The following ANKS1B variants were observed in gnomAD, a reference collection of about 807,000 sequenced individuals.
ANKS1B encodes the protein ankyrin repeat and sterile alpha motif domain containing 1B, also known as ankyrin repeat and sterile alpha motif domain-containing protein 1B.
ANKS1B carries 36 observed loss-of-function variants against 148.3 expected under a neutral mutation model. The ratio of observed to expected loss-of-function variants is 0.24; its 90% CI spans 0.19 to 0.32. ANKS1B has a LOEUF of 0.32. Among genes scored for constraint, ANKS1B ranks in the 10% least tolerant of loss-of-function variants. ANKS1B has a pLI of 1.00. For missense variants in ANKS1B, 1,157 were observed against 1,542.6 expected, an observed-to-expected ratio of 0.75 and a Z score of 4.19; for synonymous variants, 542 against 560.8, an observed-to-expected ratio of 0.97 and a Z score of 0.47.
intron 17 of ANKS1B, among the ~76,000 whole-genome samples, chr12:99,048,129 T>C (rs1568553645): frequency 6.6e-6 from 1 of 152,222 alleles, no homozygotes; most frequent in African/African-American, 2.4e-5. Flanking sequence ...ATCCAGGCCA[T>C]ATGTTCAGGC....
intron 12 of ANKS1B, among the ~76,000 whole-genome samples, chr12:99,261,434 C>T (rs2075914104): frequency 6.6e-6 from 1 of 152,136 alleles, no homozygotes; most frequent in Admixed American, 6.6e-5. Flanking sequence ...GGACCTCTTT[C>T]CTGTTTACAT....
rs549663534 is a variant in ANKS1B, at chr12:98,815,857, T to C, written c.3067-7939A>G. On this transcript the variant is annotated intron_variant, in intron 19 of 26. Coordinates refer to ENST00000683438, the MANE Select transcript of ANKS1B (RefSeq NM_001352186.2). Reference sequence around the variant, plus strand: ...ATTGGCTTCTTACGGGTCTCACTGCTGTTATCCTTGCCTCCTTAGTATCTC... The same window carrying C: ...ATTGGCTTCTTACGGGTCTCACTGCCGTTATCCTTGCCTCCTTAGTATCTC... 3.9e-5 allele frequency among the ~76,000 whole-genome samples: 6 copies of C among 152,322 alleles called. No individual in the cohort carries two copies. In the South Asian group the frequency reaches 1.2e-3, roughly 32 times the overall value.
At chr12:99,471,624 T>C (rs1293894431) in intron 10 of ANKS1B, among the ~76,000 whole-genome samples, 2 of 151,186 alleles carry the variant, frequency 1.3e-5, no homozygotes, top group East Asian at 3.9e-4. Flanking sequence ...TGAGTAGACA[T>C]AAAACAACAT....
At chr12:99,785,901 T>C (rs2064965490) in intron 4 of ANKS1B, among the ~76,000 whole-genome samples, 1 of 152,100 alleles carries the variant, frequency 6.6e-6, no homozygotes, top group Non-Finnish European at 1.5e-5. Flanking sequence ...GATATGTAGA[T>C]ACTGAAAAAA....
At chr12:99,631,184 G>A (rs573257438) in intron 9 of ANKS1B, among the ~76,000 whole-genome samples, 1 of 152,256 alleles carries the variant, frequency 6.6e-6, no homozygotes, top group South Asian at 2.1e-4. Flanking sequence ...TATTAGCAGT[G>A]AGGGAACAAA....
intron 15 of ANKS1B, among the ~76,000 whole-genome samples, chr12:99,101,064 T>C (rs2057814537): frequency 6.6e-6 from 1 of 151,856 alleles, no homozygotes; most frequent in Non-Finnish European, 1.5e-5. Flanking sequence ...AAAGAAACGG[T>C]ATAGTGAGAG....
intron 1 of ANKS1B, among the ~76,000 whole-genome samples, chr12:99,833,015 G>A (rs1421772871): frequency 3.3e-5 from 5 of 152,122 alleles, no homozygotes; most frequent in Admixed American, 6.5e-5. Flanking sequence ...ATAGCCACAC[G>A]ACTATAAGAA....
chr12:99,192,880 A>G (rs2080918037), intron 14 of ANKS1B, among the ~76,000 whole-genome samples: 1 of 152,094 alleles, frequency 6.6e-6, no homozygotes, highest in Non-Finnish European at 1.5e-5. Context: ...TGAGTGCAAA[A>G]GTTTAAAAAG....
intron 17 of ANKS1B, among the ~76,000 whole-genome samples, chr12:98,877,766 T>A (rs1267160886): frequency 6.6e-6 from 1 of 152,222 alleles, no homozygotes; most frequent in East Asian, 1.9e-4. Context: ...CTAGCAACTG[T>A]CATACTTGCT....
Position 98,871,193 on chromosome 12 carries a change from C to CT in ANKS1B, c.2779-39058dup, listed in dbSNP as rs540582733. On this transcript the variant is annotated intron_variant, in intron 17 of 26. Transcript: ENST00000683438. ...CTTATTCCTTTTGAATTTCAAATTC[C>CT]TTTTTTTCTAAATCAATCCCATTAT... Among the ~76,000 whole-genome samples the CT allele has an allele frequency of 7.4e-3, 1,119 of 152,138 alleles. 10 individuals carry two copies. Among genetic ancestry groups the CT allele is most frequent in the African/African-American group, 0.026 (1,064 of 41,510 alleles).
intron 8 of ANKS1B, among the ~76,000 whole-genome samples, chr12:99,766,960 C>T (rs2062707598): frequency 3.9e-5 from 6 of 151,910 alleles, no homozygotes; most frequent in Admixed American, 3.9e-4. Context: ...GTTTCAGAAA[C>T]ACCATTTGGT....
intron 11 of ANKS1B, among the ~76,000 whole-genome samples, chr12:99,421,587 C>T (rs775009955): frequency 1.6e-4 from 24 of 152,078 alleles, no homozygotes; most frequent in South Asian, 4.2e-4. Flanking sequence ...TTTTAGAAAG[C>T]ATGGCATTAG....
chr12:99,012,163 C>T (rs1416985448), intron 17 of ANKS1B, among the ~76,000 whole-genome samples: 1 of 152,282 alleles, frequency 6.6e-6, no homozygotes, highest in Admixed American at 6.5e-5. Context: ...TCGTGTTATG[C>T]TCAAAATGTT....
intron 25 of ANKS1B, among the ~76,000 whole-genome samples, chr12:98,760,362 T>C (rs2098378043): frequency 6.6e-6 from 1 of 152,082 alleles, no homozygotes; most frequent in Non-Finnish European, 1.5e-5. Flanking sequence ...CCTCCCAGGC[T>C]CACATGATCC....
At chr12:99,879,700 G>T (rs2092359167) in intron 1 of ANKS1B, among the ~76,000 whole-genome samples, 1 of 152,168 alleles carries the variant, frequency 6.6e-6, no homozygotes, top group Admixed American at 6.6e-5. Context: ...ACAGATGAAG[G>T]TTAGAGAAAT....
At chr12:99,650,459 T>A (rs1343646116) in intron 9 of ANKS1B, among the ~76,000 whole-genome samples, 2 of 137,070 alleles carry the variant, frequency 1.5e-5, no homozygotes, top group African/African-American at 2.6e-5. Context: ...GAGAAACAAA[T>A]TCTGAGTTTA....
At chr12:99,849,181 T>C (rs1283023401) in intron 1 of ANKS1B, among the ~76,000 whole-genome samples, 2 of 151,986 alleles carry the variant, frequency 1.3e-5, no homozygotes, top group African/African-American at 4.8e-5. Context: ...GAATCTAAAA[T>C]AACAGTTGAA....
chr12:99,091,906 TA>T (rs1216179020), intron 15 of ANKS1B, among the ~76,000 whole-genome samples: 1 of 151,652 alleles, frequency 6.6e-6, no homozygotes, highest in Non-Finnish European at 1.5e-5. Flanking sequence ...AAGGTTGAGT[TA>T]AAAAAACATG....
In ANKS1B at chr12:99,591,346, G is replaced by A. The variant is rs960667876; in HGVS notation, c.1272+63721C>T. ...AGACAGATGTTTTTATTTTTTTCCAGGATAAAGAGCAAAGAAAAATATTCT... is the reference window on the plus strand; with the variant it reads ...AGACAGATGTTTTTATTTTTTTCCAAGATAAAGAGCAAAGAAAAATATTCT... On this transcript the variant is annotated intron_variant, in intron 9 of 26. Transcript: ENST00000683438. 2.0e-5 allele frequency among the ~76,000 whole-genome samples: 3 copies of A among 151,324 alleles called. No homozygotes were observed. In the South Asian group the frequency reaches 6.2e-4, roughly 31 times the overall value.
Sources: allele counts gnomAD v4.1 joint callset (sites outside exome capture counted in the v4.1 genomes callset), GRCh38; gene constraint gnomAD v4.1.1; transcripts MANE v1.5; gene names NCBI Gene and HGNC (gene_info 2026-07-23, HGNC 2026-07-21).